FARS2: variants seen among roughly 807,000 people sequenced by gnomAD.
FARS2 encodes the protein phenylalanyl-tRNA synthetase 2, mitochondrial.
FARS2 carries 40 observed loss-of-function variants against 46.4 expected under a neutral mutation model. The observed-to-expected ratio is 0.86, with a 90% CI of 0.67 to 1.12. The LOEUF (loss-of-function observed/expected upper bound fraction) is 1.12, where lower values mean the gene tolerates loss of function less well. FARS2 is among the 50% of genes most tolerant of loss of function. The probability of loss-of-function intolerance (pLI) is 0.00; values close to 1 mark genes in which losing one functional copy is unlikely to be tolerated. For missense variants in FARS2, 513 were observed against 567.9 expected (o/e 0.90, Z 0.98); for synonymous variants, 234 against 214.9 (o/e 1.09, Z -0.78).
chr6:5,421,705 C>T (rs757346643), intron 3 of FARS2, among the ~76,000 whole-genome samples: 1 of 152,192 alleles, frequency 6.6e-6, no homozygotes, highest in South Asian at 2.1e-4. Context: ...TGCTGCCAGT[C>T]TCTTTGCTAA....
chr6:5,476,979 G>A (rs1396321198), intron 4 of FARS2, among the ~76,000 whole-genome samples: 2 of 152,100 alleles, frequency 1.3e-5, no homozygotes, highest in Non-Finnish European at 2.9e-5. Context: ...TGAGAATGTA[G>A]AAATGAAGAC....
At chr6:5,619,696 G>A (rs971022767) in intron 6 of FARS2, among the ~76,000 whole-genome samples, 4 of 152,032 alleles carry the variant, frequency 2.6e-5, no homozygotes, top group Admixed American at 1.3e-4. Context: ...TTCACCATGA[G>A]AGGCACCTTC....
At chr6:5,501,680 A>T (rs1441119754) in intron 4 of FARS2, among the ~76,000 whole-genome samples, 1 of 152,024 alleles carries the variant, frequency 6.6e-6, no homozygotes, top group African/African-American at 2.4e-5. Flanking sequence ...TTTTTAGTAG[A>T]GATGGGGTTT....
chr6:5,498,254 G>A (rs2150375294), intron 4 of FARS2, among the ~76,000 whole-genome samples: 1 of 152,318 alleles, frequency 6.6e-6, no homozygotes, highest in Non-Finnish European at 1.5e-5. Context: ...GTCAGTTCTG[G>A]ATTATCTCAA....
chr6:5,592,719 G>A (rs1773984823), intron 5 of FARS2, among the ~76,000 whole-genome samples: 1 of 152,206 alleles, frequency 6.6e-6, no homozygotes, highest in African/African-American at 2.4e-5. Context: ...GAAGGCAGCA[G>A]ACGCCGTCTC....
At chr6:5,500,311 T>TG (rs1284774074) in intron 4 of FARS2, among the ~76,000 whole-genome samples, 1 of 152,236 alleles carries the variant, frequency 6.6e-6, no homozygotes, top group Non-Finnish European at 1.5e-5. Flanking sequence ...AAAAGGCTGC[T>TG]GTGGAGGCTG....
At chr6:5,281,728 T>C (rs1766742616) in intron 1 of FARS2, among the ~76,000 whole-genome samples, 1 of 151,432 alleles carries the variant, frequency 6.6e-6, no homozygotes, top group Admixed American at 6.6e-5. Context: ...TAATGATATC[T>C]CTCTGTGTGT....
At chr6:5,327,327 A>G (rs2552301) in intron 1 of FARS2, among the ~76,000 whole-genome samples, 58,132 of 152,060 alleles carry the variant, frequency 0.38, 11,301 homozygotes, top group African/African-American at 0.4. Flanking sequence ...AGGCTATACT[A>G]TAGATTTTGG....
intron 4 of FARS2, among the ~76,000 whole-genome samples, chr6:5,439,742 A>G (rs1334082383): frequency 2.6e-5 from 4 of 152,204 alleles, no homozygotes; most frequent in Non-Finnish European, 4.4e-5. Flanking sequence ...TGTCAACTTT[A>G]TTAATCAGAA....
At chr6:5,427,232 T>C (rs1472633893) in intron 3 of FARS2, among the ~76,000 whole-genome samples, 2 of 152,218 alleles carry the variant, frequency 1.3e-5, no homozygotes, top group Non-Finnish European at 2.9e-5. Context: ...GCAAGTGCTG[T>C]CTTTCTCACC....
intron 1 of FARS2, among the ~76,000 whole-genome samples, chr6:5,326,501 T>C (rs965719): frequency 0.19 from 28,561 of 152,122 alleles, 3,120 homozygotes; most frequent in East Asian, 0.48. Flanking sequence ...TGCTCCGAGA[T>C]CCACCTACAG....
At chr6:5,746,419 G>A (rs1761645885) in intron 6 of FARS2, among the ~76,000 whole-genome samples, 2 of 152,186 alleles carry the variant, frequency 1.3e-5, no homozygotes, top group South Asian at 4.1e-4. Flanking sequence ...TGCACTTGGA[G>A]TGCAATCCAG....
At chr6:5,256,073 G>C (rs1441342574), upstream of FARS2, among the ~76,000 whole-genome samples, 1 of 151,866 alleles carries the variant, frequency 6.6e-6, no homozygotes, top group Non-Finnish European at 1.5e-5. Context: ...CCAAAAGGTT[G>C]GTCATGCCAA....
intron 4 of FARS2, among the ~76,000 whole-genome samples, chr6:5,457,369 T>A (rs1764959265): frequency 6.6e-6 from 1 of 152,158 alleles, no homozygotes; most frequent in East Asian, 1.9e-4. Context: ...CCTCCCTGAA[T>A]CTCTCAGTCC....
chr6:5,402,142 C>T (rs541697256), intron 2 of FARS2, among the ~76,000 whole-genome samples: 1 of 151,970 alleles, frequency 6.6e-6, no homozygotes, highest in South Asian at 2.1e-4. Flanking sequence ...TTCTTCAATG[C>T]CCCCTCATTA....
intron 5 of FARS2, among the ~76,000 whole-genome samples, chr6:5,550,467 T>C (rs1266325765): frequency 6.6e-6 from 1 of 152,146 alleles, no homozygotes; most frequent in Admixed American, 6.5e-5. Context: ...TGTCTTGCCA[T>C]GTTGCCCAGG....
At chr6:5,579,237 C>T (rs549981176) in intron 5 of FARS2, among the ~76,000 whole-genome samples, 1 of 152,134 alleles carries the variant, frequency 6.6e-6, no homozygotes, top group East Asian at 1.9e-4. Context: ...TACATTTTAC[C>T]AATGACTTTG....
At chr6:5,525,095 G>A (rs1001710450) in intron 4 of FARS2, among the ~76,000 whole-genome samples, 5 of 151,816 alleles carry the variant, frequency 3.3e-5, no homozygotes, top group African/African-American at 1.2e-4. Flanking sequence ...TCGGGCACTC[G>A]CTTTCCTCTG....
At chr6:5,375,236 G>T (rs1056553217) in intron 2 of FARS2, among the ~76,000 whole-genome samples, 5 of 151,696 alleles carry the variant, frequency 3.3e-5, no homozygotes, top group Non-Finnish European at 7.4e-5. Flanking sequence ...TTGGATTCAG[G>T]GACAATATAG....
Sources: gnomAD v4.1 joint callset for allele counts (sites outside exome capture counted in the v4.1 genomes callset) on GRCh38, gnomAD v4.1.1 for gene constraint, MANE v1.5 for transcripts, NCBI Gene and HGNC (gene_info 2026-07-23, HGNC 2026-07-21) for gene names.